The following EPB41L2 variants were observed in gnomAD, a reference collection of about 807,000 sequenced individuals.
The protein encoded by EPB41L2 is band 4.1-like protein 2.
EPB41L2 carries 43 observed loss-of-function variants against 113.0 expected under a neutral mutation model. The ratio of observed to expected loss-of-function variants is 0.38; its 90% CI spans 0.30 to 0.49. The LOEUF is 0.49. Ranked by LOEUF, EPB41L2 falls within the 20% of genes least tolerant of loss-of-function variation. The pLI is 0.95. For missense variants in EPB41L2, 1,147 were observed against 1,223.4 expected, an observed-to-expected ratio of 0.94 and a Z score of 0.93; for synonymous variants, 442 against 436.7, an observed-to-expected ratio of 1.01 and a Z score of -0.15.
At chr6:130,861,874 CAAA>C (rs558987011) in intron 18 of EPB41L2, among the ~76,000 whole-genome samples, 3 of 120,664 alleles carry the variant, frequency 2.5e-5, no homozygotes, top group Non-Finnish European at 3.5e-5. Flanking sequence ...TCCATCTCCC[CAAA>C]AAAAAAAAAA....
chr6:131,027,052 G>A (rs1449319031), intron 1 of EPB41L2, among the ~76,000 whole-genome samples: 2 of 152,142 alleles, frequency 1.3e-5, no homozygotes, highest in East Asian at 1.9e-4. Flanking sequence ...GTACAAGAAT[G>A]CTTATGACTT....
At chr6:130,996,498 A>G (rs955390469) in intron 1 of EPB41L2, among the ~76,000 whole-genome samples, 5 of 152,276 alleles carry the variant, frequency 3.3e-5, no homozygotes, top group African/African-American at 9.6e-5. Flanking sequence ...GAAAACATCC[A>G]AAATGACTAG....
chr6:130,885,934 T>C (rs1790811810), intron 11 of EPB41L2, among the ~76,000 whole-genome samples: 1 of 152,160 alleles, frequency 6.6e-6, no homozygotes, highest in African/African-American at 2.4e-5. Flanking sequence ...TCTCTTCTTC[T>C]CTCCTACAGA....
At chr6:130,926,152 C>T (rs1409232524) in intron 4 of EPB41L2, among the ~76,000 whole-genome samples, 4 of 152,270 alleles carry the variant, frequency 2.6e-5, no homozygotes, top group Middle Eastern at 3.4e-3. Flanking sequence ...TTCCAATGTG[C>T]CGCCTTCCCT....
At position 131,039,002 on chromosome 6, in the gene EPB41L2, G is replaced by C. The variant is rs140187739; in HGVS notation, c.-15+24153C>G. Among the ~76,000 whole-genome samples, 63 of 152,222 alleles carry C rather than the reference G, an allele frequency of 4.1e-4. 1 individual carries two copies. In the East Asian group the frequency reaches 9.8e-3, roughly 24 times the overall value. ...CATTTTTTTTTAAGTGTCAGACAGT[G>C]ACTTCCCAGAGGCTTAGAAACATGA... is the stretch of plus-strand genomic sequence containing the variant. On this transcript the variant is annotated intron_variant, in intron 1 of 19. Coordinates refer to ENST00000337057, the MANE Select transcript of EPB41L2 (RefSeq NM_001431.4).
At position 131,060,806 on chromosome 6, in the gene EPB41L2, G is replaced by C. The variant is rs181837958; in HGVS notation, c.-15+2349C>G. On this transcript the variant is annotated intron_variant, in intron 1 of 19. Transcript: ENST00000337057. ...TATTTAGATGGTTATTTTTTTGGTG[G>C]CCTCTCTTCAGATTCATCCCCTAAA... is the stretch of plus-strand genomic sequence containing the variant. Among the ~76,000 whole-genome samples, 61 of 152,094 alleles carry C rather than the reference G, an allele frequency of 4.0e-4. No homozygotes were observed. The East Asian group carries it at 0.011, about 26-fold the overall frequency.
At chr6:130,863,145 G>T (rs1473496248) in intron 18 of EPB41L2, among the ~76,000 whole-genome samples, 2 of 152,138 alleles carry the variant, frequency 1.3e-5, no homozygotes, top group African/African-American at 2.4e-5. Context: ...TTTTCACTTT[G>T]TAAGAAACCT....
intron 1 of EPB41L2, among the ~76,000 whole-genome samples, chr6:131,006,325 G>A (rs1463588288): frequency 2.0e-5 from 3 of 151,210 alleles, no homozygotes; most frequent in African/African-American, 4.8e-5. Flanking sequence ...CCAAAGTGCT[G>A]GGATTACAGG....
At chr6:130,942,035 T>C (rs1266329170) in intron 3 of EPB41L2, among the ~76,000 whole-genome samples, 1 of 152,230 alleles carries the variant, frequency 6.6e-6, no homozygotes, top group South Asian at 2.1e-4. Flanking sequence ...AAACTATTTT[T>C]CTGAATAATC....
At chr6:130,894,835 C>A in intron 9 of EPB41L2, 132 bp downstream of exon 9, 1 of 1,039,646 alleles carries the variant, frequency 9.6e-7, no homozygotes. Flanking sequence ...CCATTAAGAA[C>A]CCTGACCTTT....
intron 6 of EPB41L2, among the ~76,000 whole-genome samples, chr6:130,903,019 C>T (rs1002826989): frequency 1.3e-5 from 2 of 152,186 alleles, no homozygotes; most frequent in Admixed American, 1.3e-4. Context: ...TCTCAGGCTG[C>T]ACCACTGAGA....
chr6:130,864,029 A>G (rs929986967), intron 17 of EPB41L2, among the ~76,000 whole-genome samples: 39 of 152,194 alleles, frequency 2.6e-4, no homozygotes, highest in African/African-American at 8.9e-4. Flanking sequence ...GACAGATATT[A>G]TTTAATCCAA....
intron 10 of EPB41L2, among the ~76,000 whole-genome samples, chr6:130,890,844 T>C (rs1427161916): frequency 6.6e-6 from 1 of 152,218 alleles, no homozygotes; most frequent in East Asian, 1.9e-4. Context: ...TAATTCTTAA[T>C]ATTTATGCCT....
rs372696059 is a variant in EPB41L2, at chr6:130,900,644, C to A, written c.1148+318G>T. On this transcript the variant is annotated intron_variant, in intron 7 of 19. Coordinates refer to ENST00000337057, the MANE Select transcript of EPB41L2 (RefSeq NM_001431.4). ...GGCAGAAGAAATATAAAGTAAATGT[C>A]AAATAAGTATGTGGACATGTTTGTC... 2.6e-4 allele frequency among the ~76,000 whole-genome samples: 40 copies of A among 152,188 alleles called. No homozygotes were observed. In the South Asian group the frequency reaches 3.9e-3, roughly 15 times the overall value.
At chr6:130,975,876 A>G (rs2128665964) in intron 1 of EPB41L2, among the ~76,000 whole-genome samples, 1 of 152,178 alleles carries the variant, frequency 6.6e-6, no homozygotes, top group East Asian at 1.9e-4. Flanking sequence ...ATACAAAAAA[A>G]AATTAGCTGG....
At chr6:130,938,587 G>C (rs768778782) in intron 3 of EPB41L2, among the ~76,000 whole-genome samples, 2 of 152,094 alleles carry the variant, frequency 1.3e-5, no homozygotes, top group Non-Finnish European at 2.9e-5. Context: ...GCCCTGAACC[G>C]TGCCTTTCAA....
At chr6:130,845,620 A>G (rs1355310493) in intron 19 of EPB41L2, among the ~76,000 whole-genome samples, 1 of 152,152 alleles carries the variant, frequency 6.6e-6, no homozygotes, top group African/African-American at 2.4e-5. Context: ...GCCTCAAGCA[A>G]TCCTCTCACC....
chr6:130,995,941 T>C (rs578148706), intron 1 of EPB41L2, among the ~76,000 whole-genome samples: 3 of 152,286 alleles, frequency 2.0e-5, no homozygotes, highest in African/African-American at 7.2e-5. Flanking sequence ...ATAAATTCAA[T>C]AGCACAGTTA....
chr6:131,019,546 C>G (rs1330890244), intron 1 of EPB41L2, among the ~76,000 whole-genome samples: 1 of 152,076 alleles, frequency 6.6e-6, no homozygotes, highest in Non-Finnish European at 1.5e-5. Context: ...TTTTCAAAGA[C>G]ATTATTTAGC....
Sources: allele counts gnomAD v4.1 joint callset (sites outside exome capture counted in the v4.1 genomes callset), GRCh38; gene constraint gnomAD v4.1.1; transcripts MANE v1.5; gene names NCBI Gene and HGNC (gene_info 2026-07-23, HGNC 2026-07-21).